The following PHF3 variants were observed in gnomAD, a reference collection of about 807,000 sequenced individuals.
PHF3 encodes PHD finger protein 3.
Under a neutral mutation model 178.4 loss-of-function variants are expected in PHF3, and 41 were observed. The observed-to-expected ratio is 0.23, with a 90% CI of 0.18 to 0.30. The LOEUF (loss-of-function observed/expected upper bound fraction) is 0.30, where lower values mean the gene tolerates loss of function less well. Ranked by LOEUF, PHF3 falls within the 10% of genes least tolerant of loss-of-function variation. PHF3 has a pLI of 1.00. For missense variants in PHF3, 2,346 were observed against 2,398.1 expected (o/e 0.98, Z 0.45); for synonymous variants, 842 against 800.5 (o/e 1.05, Z -0.88).
In PHF3 at chr6:63,717,508, G is replaced by C. The variant is rs1014230718; in HGVS notation, c.*3800G>C. On this transcript the variant is annotated 3_prime_UTR_variant, in exon 16 of 16. Transcript: ENST00000262043. ...AAGGTGCCAAACACCCTAATTCTTTGATTTCTGTTTCACAATTATAGTAAT... is the reference window on the plus strand; with the variant it reads ...AAGGTGCCAAACACCCTAATTCTTTCATTTCTGTTTCACAATTATAGTAAT... 1.4e-5 allele frequency among the ~76,000 whole-genome samples: 2 copies of C among 147,324 alleles called. No individual in the cohort carries two copies. The highest frequency in any genetic ancestry group is 6.7e-5 in the Admixed American group (1 of 14,858).
In PHF3 at chr6:63,685,914, G is replaced by A. The variant is rs1017524252; in HGVS notation, c.2189+3G>A. 5.0e-6 allele frequency: 8 copies of A among 1,593,466 alleles called. No individual in the cohort carries two copies. Among genetic ancestry groups the A allele is most frequent in the African/African-American group, 1.3e-5 (1 of 74,156 alleles). ...TGCAAAAAACCACATGGCAACAGGTGTGTGTGTATGTGTGTATGAGTGATG... is the reference window on the plus strand; with the variant it reads ...TGCAAAAAACCACATGGCAACAGGTATGTGTGTATGTGTGTATGAGTGATG... On this transcript the variant is annotated splice_donor_region_variant and intron_variant, in intron 4 of 15. Coordinates refer to ENST00000262043, the MANE Select transcript of PHF3 (RefSeq NM_001370348.2).
At chr6:63,659,930 A>AT (rs935182790) in intron 2 of PHF3, among the ~76,000 whole-genome samples, 5 of 152,000 alleles carry the variant, frequency 3.3e-5, no homozygotes, top group Non-Finnish European at 7.4e-5. Flanking sequence ...ATCATTCTAA[A>AT]TTTTTTTTGC....
chr6:63,668,206 G>A (rs1233761942), intron 2 of PHF3, among the ~76,000 whole-genome samples: 3 of 152,214 alleles, frequency 2.0e-5, no homozygotes, highest in African/African-American at 7.2e-5. Flanking sequence ...TCCTACTGAA[G>A]AGGCAGATTA....
At chr6:63,687,700 A>G (rs1766776286) in intron 4 of PHF3, among the ~76,000 whole-genome samples, 1 of 152,216 alleles carries the variant, frequency 6.6e-6, no homozygotes, top group African/African-American at 2.4e-5. Context: ...TCCAGTCTTC[A>G]GGAGTTTGCC....
chr6:63,671,935 T>C (rs1209711826), intron 2 of PHF3, among the ~76,000 whole-genome samples: 1 of 151,996 alleles, frequency 6.6e-6, no homozygotes, highest in South Asian at 2.1e-4. Flanking sequence ...TTAGTAGAGA[T>C]GGGGTTTCAC....
chr6:63,711,459 C>CCT, intron 15 of PHF3, 97 bp downstream of exon 15: 1 of 1,339,146 alleles, frequency 7.5e-7, no homozygotes, highest in Non-Finnish European at 1.0e-6. Flanking sequence ...CAGGATCCAG[C>CCT]CCTCTAGAGA....
chr6:63,684,063 G>T, intron 3 of PHF3, 66 bp from the exon 4 acceptor site: 2 of 1,225,166 alleles, frequency 1.6e-6, no homozygotes, highest in Admixed American at 2.3e-5. Context: ...ATTCTAAATT[G>T]TATTGAAATA....
chr6:63,703,745 A>AT, intron 11 of PHF3, 74 bp downstream of exon 11: 1 of 1,416,924 alleles, frequency 7.1e-7, no homozygotes, highest in Non-Finnish European at 9.6e-7. Context: ...AGTATATGTA[A>AT]TTTAAGTAGG....
At chr6:63,707,673 A>G (rs528062289) in intron 13 of PHF3, among the ~76,000 whole-genome samples, 1 of 151,022 alleles carries the variant, frequency 6.6e-6, no homozygotes, top group Non-Finnish European at 1.5e-5. Flanking sequence ...GAATTAAAAG[A>G]TTGTAAAAAA....
rs1768378647 is a variant in PHF3, at chr6:63,721,337, A to C, written c.*7629A>C. ...CAGCCCAATCTGGCAAACATCTGCAAGAAAAAGTTGTGCCATTTACTGTAC... is the reference window on the plus strand; with the variant it reads ...CAGCCCAATCTGGCAAACATCTGCACGAAAAAGTTGTGCCATTTACTGTAC... On this transcript the variant is annotated 3_prime_UTR_variant, in exon 16 of 16. Coordinates refer to ENST00000262043, the MANE Select transcript of PHF3 (RefSeq NM_001370348.2). 6.4e-7 allele frequency: 1 copy of C among 1,552,028 alleles called. No individual in the cohort carries two copies. Among genetic ancestry groups the C allele is most frequent in the East Asian group, 2.4e-5 (1 of 40,914 alleles).
At chr6:63,655,812 TC>T (rs1157901819) in intron 2 of PHF3, among the ~76,000 whole-genome samples, 4 of 152,174 alleles carry the variant, frequency 2.6e-5, no homozygotes, top group African/African-American at 7.2e-5. Flanking sequence ...TTCTTCTTTT[TC>T]TTTTTTTGTT....
In PHF3 at chr6:63,713,623, A is replaced by G; in HGVS notation, c.6035A>G (p.Lys2012Arg). Residue 2012 changes from lysine to arginine, a missense_variant, in exon 16 of 16, where the codon AAA (lysine) becomes AGA (arginine). Physicochemically the swap from Lys to Arg is conservative, Grantham distance 26. This residue lies in a region of PHF3 where 839 missense variants were observed against 806.9 expected (regional missense o/e 1.04). Coordinates refer to ENST00000262043, the MANE Select transcript of PHF3 (RefSeq NM_001370348.2). Reference sequence around the variant, plus strand: ...TATGAGAAGGACAAAGAACGAGAGAAAAGTAAACACAGAGAAGGAGAAAAG... The same window carrying G: ...TATGAGAAGGACAAAGAACGAGAGAGAAGTAAACACAGAGAAGGAGAAAAG... ...EDYEKDKERE[K>R]SKHREGEKDR... The G allele has an allele frequency of 1.2e-6, 2 of 1,613,334 alleles. No individual in the cohort carries two copies. The highest frequency in any genetic ancestry group is 1.7e-6 in the Non-Finnish European group (2 of 1,179,758).
In PHF3 at chr6:63,684,662, G is replaced by A. The variant is rs761705041; in HGVS notation, c.940G>A (p.Ala314Thr). 3.1e-6 allele frequency: 5 copies of A among 1,613,636 alleles called. No individual in the cohort carries two copies. The highest frequency in any genetic ancestry group is 4.5e-5 in the East Asian group (2 of 44,866). The stretch of plus-strand genomic sequence containing the variant: ...TGAGACTGTTGTTGAAGAAATGATA[G>A]CAACAAGAAAAGTTGAACAAGATTC... Reference protein sequence around the residue: ...TGETVVEEMIATRKVEQDSKE... With the variant: ...TGETVVEEMITTRKVEQDSKE... Residue 314 changes from alanine to threonine, a missense_variant, in exon 4 of 16, where the codon GCA becomes ACA. Ala to Thr is a moderately conservative substitution (Grantham distance 58). Transcript: ENST00000262043.
At chr6:63,661,967 C>T (rs909892576) in intron 2 of PHF3, among the ~76,000 whole-genome samples, 1 of 152,132 alleles carries the variant, frequency 6.6e-6, no homozygotes, top group African/African-American at 2.4e-5. Context: ...AGCTGCACAG[C>T]AACAGGTGAG....
intron 2 of PHF3, among the ~76,000 whole-genome samples, chr6:63,657,296 G>A (rs116585582): frequency 0.012 from 1,783 of 152,182 alleles, 29 homozygotes; most frequent in African/African-American, 0.041. Flanking sequence ...TATACAGTAG[G>A]CTCTTGAATA....
At chr6:63,690,310 A>G (rs1486111156) in intron 4 of PHF3, among the ~76,000 whole-genome samples, 1 of 152,174 alleles carries the variant, frequency 6.6e-6, no homozygotes, top group Non-Finnish European at 1.5e-5. Context: ...AGGTATTACC[A>G]GCAAGGATAA....
Position 63,684,904 on chromosome 6 carries a change from T to G in PHF3, c.1182T>G (p.Asn394Lys), listed in dbSNP as rs773081572. The G allele has an allele frequency of 1.4e-5, 23 of 1,613,908 alleles. No homozygotes were observed. Among genetic ancestry groups the G allele is most frequent in the South Asian group, 1.2e-4 (11 of 91,076 alleles). Residue 394 changes from asparagine to lysine, a missense_variant, in exon 4 of 16, where the codon AAT becomes AAG. Physicochemically the swap from Asn to Lys is moderately conservative, Grantham distance 94. This residue lies in a region of PHF3 where 843 missense variants were observed against 795.2 expected (regional missense o/e 1.06). Coordinates refer to ENST00000262043, the MANE Select transcript of PHF3 (RefSeq NM_001370348.2). Reference protein sequence around the residue: ...ADKTENTLERNKIEPLGYCED... With the variant: ...ADKTENTLERKKIEPLGYCED... Reference sequence around the variant, plus strand: ...AAACTGAGAACACCCTTGAAAGAAATAAAATTGAACCGTTGGGTTATTGTG... The same window carrying G: ...AAACTGAGAACACCCTTGAAAGAAAGAAAATTGAACCGTTGGGTTATTGTG...
At chr6:63,647,706 T>C (rs1764849374) in intron 2 of PHF3, among the ~76,000 whole-genome samples, 1 of 152,202 alleles carries the variant, frequency 6.6e-6, no homozygotes, top group African/African-American at 2.4e-5. Context: ...AGAAATTACT[T>C]TGTCATGTTA....
At chr6:63,657,298 T>C (rs1271729333) in intron 2 of PHF3, among the ~76,000 whole-genome samples, 1 of 152,176 alleles carries the variant, frequency 6.6e-6, no homozygotes, top group African/African-American at 2.4e-5. Context: ...TACAGTAGGC[T>C]CTTGAATAAT....
Sources: allele counts gnomAD v4.1 joint callset (sites outside exome capture counted in the v4.1 genomes callset), GRCh38; gene constraint gnomAD v4.1.1; regional missense constraint gnomAD v4.1.1; transcripts MANE v1.5; gene names NCBI Gene and HGNC (gene_info 2026-07-23, HGNC 2026-07-21).